Variants in CHLSN observed in about 807,000 individuals in gnomAD.
The protein encoded by CHLSN is protein cholesin.
At chr7:1,097,095 C>T in the CHLSN span, among the ~76,000 whole-genome samples, 1 of 152,212 alleles carries the variant, frequency 6.6e-6, no homozygotes, top group Non-Finnish European at 1.5e-5. This position sits in a 1 kb window ranked among gnomAD's most constrained non-coding sequence, Gnocchi z 4.3. Flanking sequence ...CAAGGCTTAA[C>T]CCAGACATTG....
At chr7:1,081,391 G>A in the CHLSN span, among the ~76,000 whole-genome samples, 1 of 152,268 alleles carries the variant, frequency 6.6e-6, no homozygotes, top group Non-Finnish European at 1.5e-5. Context: ...GGACCACTCA[G>A]AATTCTTCCC....
At chr7:1,130,354 G>A in the CHLSN span, among the ~76,000 whole-genome samples, 3 of 152,314 alleles carry the variant, frequency 2.0e-5, no homozygotes, top group East Asian at 3.9e-4. Context: ...GGTGCTGGTG[G>A]CTGTGGCCAG....
the CHLSN span, among the ~76,000 whole-genome samples, chr7:1,088,636 C>A: frequency 6.6e-6 from 1 of 152,192 alleles, no homozygotes; most frequent in Non-Finnish European, 1.5e-5. The surrounding 1 kb of genome is among the most constrained non-coding windows in gnomAD (Gnocchi z 4.5). Context: ...ATGAGGGTGC[C>A]CACTCTGCCC....
At chr7:1,023,473 G>A in the CHLSN span, among the ~76,000 whole-genome samples, 1 of 151,864 alleles carries the variant, frequency 6.6e-6, no homozygotes, top group South Asian at 2.1e-4. The surrounding 1 kb of genome is among the most constrained non-coding windows in gnomAD (Gnocchi z 5.0). Context: ...AGGCCTCCTG[G>A]GAACCTGGGA....
the CHLSN span, among the ~76,000 whole-genome samples, chr7:1,059,612 AG>A: frequency 1.6e-5 from 1 of 61,376 alleles, no homozygotes; most frequent in Admixed American, 2.4e-4. Flanking sequence ...GCGGGTCAGT[AG>A]GTGGTTCTTA....
the CHLSN span, among the ~76,000 whole-genome samples, chr7:1,043,166 C>T: frequency 6.6e-6 from 1 of 151,808 alleles, no homozygotes; most frequent in Non-Finnish European, 1.5e-5. Context: ...GCTGAGGCTG[C>T]AGTAAGCCAA....
the CHLSN span, among the ~76,000 whole-genome samples, chr7:1,057,332 A>G: frequency 6.6e-6 from 1 of 152,094 alleles, no homozygotes; most frequent in Non-Finnish European, 1.5e-5. Context: ...CCATTTTTCA[A>G]CGCTCAACTT....
chr7:1,127,414 G>A, the CHLSN span: 23 of 1,583,122 alleles, frequency 1.5e-5, no homozygotes, highest in South Asian at 2.4e-4. Flanking sequence ...AATTGCTGAA[G>A]ACAAGGAAAT....
At chr7:1,052,007 A>C in the CHLSN span, among the ~76,000 whole-genome samples, 1 of 152,218 alleles carries the variant, frequency 6.6e-6, no homozygotes, top group Non-Finnish European at 1.5e-5. This position sits in a 1 kb window ranked among gnomAD's most constrained non-coding sequence, Gnocchi z 4.2. Context: ...AGAAGGAGGA[A>C]CAGATGAATC....
chr7:1,041,999 C>G, the CHLSN span, among the ~76,000 whole-genome samples: 9 of 152,348 alleles, frequency 5.9e-5, no homozygotes, highest in African/African-American at 2.2e-4. Flanking sequence ...CCGTGAGACA[C>G]GCGGCTGCAT....
At chr7:1,040,316 C>T in the CHLSN span, among the ~76,000 whole-genome samples, 1 of 149,840 alleles carries the variant, frequency 6.7e-6, no homozygotes, top group East Asian at 1.9e-4. Context: ...CACAGTGAGA[C>T]CCCCCATCTC....
the CHLSN span, chr7:1,028,574 T>G: frequency 1.0e-6 from 1 of 984,906 alleles, no homozygotes; most frequent in Non-Finnish European, 1.2e-6. Context: ...CCGGTCCACC[T>G]GCGCGAACTG....
chr7:1,055,324 C>CCT, the CHLSN span: 1 of 471,132 alleles, frequency 2.1e-6, no homozygotes, highest in East Asian at 6.9e-5. Flanking sequence ...CACGCGCAGG[C>CCT]GGCCAGGCGC....
chr7:1,127,648 G>T, the CHLSN span, among the ~76,000 whole-genome samples: 1 of 68,478 alleles, frequency 1.5e-5, no homozygotes, highest in South Asian at 6.4e-4. Flanking sequence ...CTGGAGTGCA[G>T]TGGCACAATC....
chr7:1,099,608 A>G, the CHLSN span, among the ~76,000 whole-genome samples: 2 of 152,186 alleles, frequency 1.3e-5, no homozygotes, highest in African/African-American at 4.8e-5. Flanking sequence ...AAATGGAGGA[A>G]AAGAGCGTTA....
the CHLSN span, among the ~76,000 whole-genome samples, chr7:999,832 C>T: frequency 6.6e-6 from 1 of 152,238 alleles, no homozygotes; most frequent in African/African-American, 2.4e-5. Flanking sequence ...TGGGCTCCTC[C>T]AGCCTCACAG....
the CHLSN span, among the ~76,000 whole-genome samples, chr7:1,000,779 C>A: frequency 1.3e-5 from 2 of 152,228 alleles, no homozygotes; most frequent in African/African-American, 2.4e-5. Flanking sequence ...GGACGCCACT[C>A]TTACCTTGGC....
chr7:1,111,995 T>C, the CHLSN span, among the ~76,000 whole-genome samples: 11 of 152,210 alleles, frequency 7.2e-5, no homozygotes, highest in Non-Finnish European at 1.3e-4. Context: ...CTCTGTATTT[T>C]CTAATTTCTT....
At chr7:1,008,854 A>AACACACGT in the CHLSN span, among the ~76,000 whole-genome samples, 2 of 150,554 alleles carry the variant, frequency 1.3e-5, no homozygotes, top group African/African-American at 4.9e-5. Context: ...CACACACGTA[A>AACACACGT]ACACACGCAC....
Sources: allele counts gnomAD v4.1 joint callset (sites outside exome capture counted in the v4.1 genomes callset), GRCh38; gene constraint gnomAD v4.1.1; non-coding constraint Gnocchi (gnomAD v3.1); transcripts MANE v1.5; gene names NCBI Gene and HGNC (gene_info 2026-07-23, HGNC 2026-07-21).